Variants in KIAA1217 observed in about 807,000 individuals in gnomAD.
The protein encoded by KIAA1217 is KIAA1217.
A neutral mutation model predicts 163.9 loss-of-function variants in KIAA1217; 88 were observed. The ratio of observed to expected loss-of-function variants is 0.54; its 90% CI spans 0.45 to 0.64. The LOEUF (loss-of-function observed/expected upper bound fraction) is 0.64, where lower values mean the gene tolerates loss of function less well. Ranked by LOEUF, KIAA1217 falls within the 30% of genes least tolerant of loss-of-function variation. KIAA1217 has a pLI of 0.00. For synonymous variants in KIAA1217, 903 were observed against 923.1 expected (o/e 0.98, Z 0.39); for missense variants, 2,372 against 2,475.0 (o/e 0.96, Z 0.88).
chr10:24,332,175 C>T (rs757690732), intron 2 of KIAA1217, among the ~76,000 whole-genome samples: 1 of 152,166 alleles, frequency 6.6e-6, no homozygotes, highest in Non-Finnish European at 1.5e-5. Flanking sequence ...GTAATATTTA[C>T]TGGAAGTTGG....
chr10:24,375,453 T>G (rs2052348936), intron 2 of KIAA1217, among the ~76,000 whole-genome samples: 1 of 152,176 alleles, frequency 6.6e-6, no homozygotes, highest in Admixed American at 6.5e-5. Flanking sequence ...GCAGGAATGG[T>G]AGAGAAAACC....
intron 6 of KIAA1217, among the ~76,000 whole-genome samples, chr10:24,488,444 C>G (rs964094654): frequency 6.6e-6 from 1 of 152,178 alleles, no homozygotes; most frequent in African/African-American, 2.4e-5. Context: ...AGCCAGTCTT[C>G]TTGCTCATGC....
intron 2 of KIAA1217, among the ~76,000 whole-genome samples, chr10:24,250,440 T>C (rs1292478019): frequency 1.0e-4 from 1 of 9,898 alleles, no homozygotes; most frequent in Non-Finnish European, 2.3e-4. Flanking sequence ...CATTTGGCAC[T>C]TTTTTTTTTT....
chr10:24,016,790 A>G (rs561020710), intron 2 of KIAA1217, among the ~76,000 whole-genome samples: 1 of 152,192 alleles, frequency 6.6e-6, no homozygotes, highest in African/African-American at 2.4e-5. Context: ...TACCAACCTC[A>G]TACATTTATT....
At chr10:24,064,807 C>A (rs2060873396) in intron 2 of KIAA1217, among the ~76,000 whole-genome samples, 2 of 152,078 alleles carry the variant, frequency 1.3e-5, no homozygotes, top group Non-Finnish European at 2.9e-5. Flanking sequence ...TAATTATTGC[C>A]CCAATTTCAG....
At chr10:23,980,668 C>A (rs1845725561) in intron 1 of KIAA1217, among the ~76,000 whole-genome samples, 1 of 152,206 alleles carries the variant, frequency 6.6e-6, no homozygotes, top group African/African-American at 2.4e-5. Context: ...CATTTGCCTT[C>A]TAAACCCCTC....
intron 2 of KIAA1217, among the ~76,000 whole-genome samples, chr10:24,026,742 ATTTTTTTTTT>A: frequency 2.9e-5 from 2 of 70,094 alleles, no homozygotes; most frequent in African/African-American, 1.2e-4. Context: ...TATTTCATTG[ATTTTTTTTTT>A]TTTTTTTTTT....
chr10:23,928,241 G>A (rs923228900), intron 1 of KIAA1217, among the ~76,000 whole-genome samples: 1 of 152,258 alleles, frequency 6.6e-6, no homozygotes, highest in Admixed American at 6.5e-5. Flanking sequence ...GTAGGGCCAC[G>A]GTCCAGATGG....
intron 1 of KIAA1217, among the ~76,000 whole-genome samples, chr10:23,753,713 A>G (rs1833773105): frequency 1.3e-5 from 2 of 152,244 alleles, no homozygotes; most frequent in Admixed American, 1.3e-4. Context: ...TGTTTTAATG[A>G]TTAAAAATAA....
At chr10:24,030,749 T>G (rs1316619937) in intron 2 of KIAA1217, among the ~76,000 whole-genome samples, 4 of 152,170 alleles carry the variant, frequency 2.6e-5, no homozygotes, top group African/African-American at 9.7e-5. Flanking sequence ...GAACCTCACA[T>G]AAGTAGGATC....
chr10:23,973,615 G>A (rs1221505271), intron 1 of KIAA1217, among the ~76,000 whole-genome samples: 1 of 152,192 alleles, frequency 6.6e-6, no homozygotes, highest in Non-Finnish European at 1.5e-5. Flanking sequence ...CCACATCGAG[G>A]AAGATCAGTT....
chr10:24,400,605 G>A (rs556242003), intron 3 of KIAA1217, among the ~76,000 whole-genome samples: 69 of 152,226 alleles, frequency 4.5e-4, no homozygotes, highest in African/African-American at 1.7e-3. Context: ...AATGGACCTG[G>A]AATATTTGTG....
At chr10:24,477,917 A>T (rs560583639) in intron 6 of KIAA1217, among the ~76,000 whole-genome samples, 1 of 152,226 alleles carries the variant, frequency 6.6e-6, no homozygotes, top group Non-Finnish European at 1.5e-5. Flanking sequence ...AGAATTTTCA[A>T]CCCCTTAAAG....
chr10:24,342,265 A>G (rs1215256165), intron 2 of KIAA1217, among the ~76,000 whole-genome samples: 1 of 152,252 alleles, frequency 6.6e-6, no homozygotes, highest in Non-Finnish European at 1.5e-5. Context: ...CCTACCTCAC[A>G]TACTTGTCCA....
chr10:24,347,667 TA>T (rs1226990962), intron 2 of KIAA1217, among the ~76,000 whole-genome samples: 2 of 152,016 alleles, frequency 1.3e-5, no homozygotes, highest in East Asian at 3.9e-4. Flanking sequence ...TATACTAGGA[TA>T]AAAAAGGGAG....
chr10:24,196,139 AC>A (rs2066978811), intron 2 of KIAA1217, among the ~76,000 whole-genome samples: 2 of 4,954 alleles, frequency 4.0e-4, no homozygotes, highest in Non-Finnish European at 1.2e-3. Flanking sequence ...GTCTCAAAAC[AC>A]ACACACACAC....
At chr10:24,419,711 C>A (rs879656868) in intron 3 of KIAA1217, among the ~76,000 whole-genome samples, 2 of 151,988 alleles carry the variant, frequency 1.3e-5, no homozygotes, top group Non-Finnish European at 2.9e-5. Flanking sequence ...ATTGTAAAAC[C>A]CCTGCACTTT....
At chr10:24,100,102 C>A (rs1005829085) in intron 2 of KIAA1217, among the ~76,000 whole-genome samples, 3 of 151,862 alleles carry the variant, frequency 2.0e-5, no homozygotes, top group Non-Finnish European at 4.4e-5. Context: ...CAAAATAAGT[C>A]TTTGTGTCTC....
intron 2 of KIAA1217, among the ~76,000 whole-genome samples, chr10:24,253,492 A>T (rs1036518062): frequency 6.6e-6 from 1 of 152,126 alleles, no homozygotes; most frequent in African/African-American, 2.4e-5. Context: ...CAAAAGCCAA[A>T]TGCTGGTATT....
Sources: allele counts gnomAD v4.1 joint callset (sites outside exome capture counted in the v4.1 genomes callset), GRCh38; gene constraint gnomAD v4.1.1; transcripts MANE v1.5; gene names NCBI Gene and HGNC (gene_info 2026-07-23, HGNC 2026-07-21).